The following GTF2A1 variants were observed in gnomAD, a reference collection of about 807,000 sequenced individuals.
GTF2A1 encodes general transcription factor IIA subunit 1, also known as transcription initiation factor IIA subunit 1.
Under a neutral mutation model 54.1 loss-of-function variants are expected in GTF2A1, and 12 were observed. That is an observed-to-expected ratio of 0.22 (90% CI 0.14 to 0.36). The LOEUF (loss-of-function observed/expected upper bound fraction) is 0.36, where lower values mean the gene tolerates loss of function less well. GTF2A1 is among the 10% of genes least tolerant of loss of function. The pLI, the probability that GTF2A1 is intolerant of heterozygous loss-of-function variation, is 1.00. For synonymous variants in GTF2A1, 145 were observed against 152.0 expected (o/e 0.95, Z 0.34); for missense variants, 335 against 442.2 (o/e 0.76, Z 2.17).
Position 81,189,025 on chromosome 14 carries a change from G to C in GTF2A1, c.934-3405C>G, listed in dbSNP as rs559312480. Among the ~76,000 whole-genome samples, 146 of 152,208 alleles carry C rather than the reference G, an allele frequency of 9.6e-4. 3 individuals are homozygous for C. The South Asian group carries it at 0.022, about 23-fold the overall frequency. Reference sequence around the variant, plus strand: ...TGATGTTAAAGTTTTGCAACAAATAGCATAAATAGCAATATTCTATTTTAA... The same window carrying C: ...TGATGTTAAAGTTTTGCAACAAATACCATAAATAGCAATATTCTATTTTAA... On this transcript the variant is annotated intron_variant, in intron 7 of 8. Coordinates refer to ENST00000553612, the MANE Select transcript of GTF2A1 (RefSeq NM_015859.4).
At chr14:81,203,100 T>C (rs1893149659) in intron 3 of GTF2A1, among the ~76,000 whole-genome samples, 1 of 152,208 alleles carries the variant, frequency 6.6e-6, no homozygotes, top group Non-Finnish European at 1.5e-5. Context: ...TATAACTGAA[T>C]AGATGTTTGT....
At chr14:81,207,984 A>T (rs944730608) in intron 2 of GTF2A1, among the ~76,000 whole-genome samples, 1 of 151,844 alleles carries the variant, frequency 6.6e-6, no homozygotes, top group African/African-American at 2.4e-5. Context: ...GAAAATTTGC[A>T]GCCTGACAAT....
intron 1 of GTF2A1, among the ~76,000 whole-genome samples, chr14:81,217,906 C>T (rs903141864): frequency 6.6e-6 from 1 of 152,206 alleles, no homozygotes; most frequent in Non-Finnish European, 1.5e-5. Context: ...TCTTGCTTTA[C>T]TGTTCACTCA....
intron 1 of GTF2A1, among the ~76,000 whole-genome samples, chr14:81,219,531 A>AG (rs1468148112): frequency 1.3e-5 from 2 of 152,250 alleles, no homozygotes; most frequent in Non-Finnish European, 2.9e-5. Context: ...AAGCAGGGTA[A>AG]GCGGCCGCAG....
rs147500906 is a variant in GTF2A1 at position 81,213,911 on chromosome 14, C to T, written c.132+2502G>A. On this transcript the variant is annotated intron_variant, in intron 2 of 8. Transcript: ENST00000553612. ...AGGCTGCAGTGTAGTGGCATGATCT[C>T]GGCTCACTGCAACCCCCGCCTCCTG... 3.7e-4 allele frequency among the ~76,000 whole-genome samples: 55 copies of T among 150,280 alleles called. 1 individual carries two copies. The East Asian group carries it at 0.011, about 29-fold the overall frequency.
At chr14:81,183,263 A>T (rs1280874906) in intron 8 of GTF2A1, among the ~76,000 whole-genome samples, 2 of 152,096 alleles carry the variant, frequency 1.3e-5, no homozygotes, top group Non-Finnish European at 2.9e-5. Flanking sequence ...AATTCCTATA[A>T]AGTATTATTT....
rs1893612548 is a variant in GTF2A1 at position 81,220,600 on chromosome 14, C to G, written c.-82G>C. 4.5e-6 allele frequency: 5 copies of G among 1,118,504 alleles called. No individual in the cohort carries two copies. Among genetic ancestry groups the G allele is most frequent in the Non-Finnish European group, 6.3e-6 (5 of 794,128 alleles). 69.3% of individuals were successfully genotyped at this position (1,118,504 alleles called of 1,614,324 possible). The stretch of plus-strand genomic sequence containing the variant: ...AACCAAAAAAAAAAAAACTATAACA[C>G]CCGGAGGGTGACCCAAATCACCGCA... On this transcript the variant is annotated 5_prime_UTR_variant, in exon 1 of 9. Coordinates refer to ENST00000553612, the MANE Select transcript of GTF2A1 (RefSeq NM_015859.4).
chr14:81,194,191 T>C (rs967383450), intron 6 of GTF2A1, among the ~76,000 whole-genome samples: 1 of 152,204 alleles, frequency 6.6e-6, no homozygotes, highest in Admixed American at 6.5e-5. Context: ...AGCATGAGAT[T>C]CTCATAGGAG....
chr14:81,208,012 G>GC (rs147118397), intron 2 of GTF2A1, among the ~76,000 whole-genome samples: 16,215 of 152,200 alleles, frequency 0.11, 1,939 homozygotes, highest in African/African-American at 0.3. Context: ...AAAAGAAAAA[G>GC]CCATTTTTTG....
rs929416518 is a variant in GTF2A1, at chr14:81,192,502, T to C, written c.933+17A>G. On this transcript the variant is annotated intron_variant, in intron 7 of 8. Transcript: ENST00000553612. ...ATAATCAAGTAGATTATTTTAAGTA[T>C]GTTACTAGAAACTTACTTCTTCCAC... 6 of 1,563,684 alleles carry C rather than the reference T, an allele frequency of 3.8e-6. No homozygotes were observed. The highest frequency in any genetic ancestry group is 1.4e-5 in the African/African-American group (1 of 73,052).
intron 8 of GTF2A1, among the ~76,000 whole-genome samples, chr14:81,183,191 G>A (rs1290205647): frequency 6.6e-6 from 1 of 152,124 alleles, no homozygotes; most frequent in Non-Finnish European, 1.5e-5. Context: ...CAAGAATAGT[G>A]CCAAGGGACA....
At chr14:81,203,167 A>G (rs1213181266) in intron 3 of GTF2A1, among the ~76,000 whole-genome samples, 2 of 152,334 alleles carry the variant, frequency 1.3e-5, no homozygotes, top group East Asian at 3.9e-4. Context: ...GATTTTCCTC[A>G]GCTGTAAAAC....
At chr14:81,207,598 G>A (rs1374746748) in intron 2 of GTF2A1, among the ~76,000 whole-genome samples, 1 of 152,210 alleles carries the variant, frequency 6.6e-6, no homozygotes, top group Non-Finnish European at 1.5e-5. Context: ...CTGTGTAACA[G>A]GCAGAGGCTG....
chr14:81,210,340 AATTTT>A (rs1400394992), intron 2 of GTF2A1, among the ~76,000 whole-genome samples: 1 of 152,112 alleles, frequency 6.6e-6, no homozygotes, highest in African/African-American at 2.4e-5. Context: ...ACACAATCTT[AATTTT>A]ATTTATCAAA....
At chr14:81,188,777 GAAA>G (rs11307846) in intron 7 of GTF2A1, among the ~76,000 whole-genome samples, 2 of 144,690 alleles carry the variant, frequency 1.4e-5, no homozygotes, top group Non-Finnish European at 3.0e-5. Flanking sequence ...ACTCTGTCTC[GAAA>G]AAAAAAAAAA....
chr14:81,209,777 T>C, intron 2 of GTF2A1: 1 of 428,496 alleles, frequency 2.3e-6, no homozygotes. Flanking sequence ...CACAATTCCC[T>C]ATACAAGACA....
intron 7 of GTF2A1, among the ~76,000 whole-genome samples, chr14:81,190,813 T>G (rs1279823335): frequency 6.6e-6 from 1 of 152,138 alleles, no homozygotes; most frequent in Admixed American, 6.5e-5. Context: ...CACAAAAAAC[T>G]GCCGTTCTTC....
rs139772253 is a variant in GTF2A1, at chr14:81,194,597, A to G, written c.612+1511T>C. Among the ~76,000 whole-genome samples the G allele has an allele frequency of 8.9e-4, 136 of 152,374 alleles. 2 individuals carry two copies. In the East Asian group the frequency reaches 0.017, roughly 19 times the overall value. ...AAAAGAGACAGACACATAAACATAT[A>G]AAGTACATAAGTTCCTCAAGAAAAT... is the stretch of plus-strand genomic sequence containing the variant. On this transcript the variant is annotated intron_variant, in intron 6 of 8. Coordinates refer to ENST00000553612, the MANE Select transcript of GTF2A1 (RefSeq NM_015859.4).
chr14:81,181,778 G>A (rs962903669), intron 8 of GTF2A1, among the ~76,000 whole-genome samples: 3 of 152,204 alleles, frequency 2.0e-5, no homozygotes, highest in Admixed American at 6.5e-5. Context: ...CTTGACCTCA[G>A]GTGATCCCCC....
Sources: gnomAD v4.1 joint callset for allele counts (sites outside exome capture counted in the v4.1 genomes callset) on GRCh38, gnomAD v4.1.1 for gene constraint, MANE v1.5 for transcripts, NCBI Gene and HGNC (gene_info 2026-07-23, HGNC 2026-07-21) for gene names.